The following CNTN4 variants were observed in gnomAD, a reference collection of about 807,000 sequenced individuals.
CNTN4 encodes contactin-4.
In CNTN4, 77 loss-of-function variants were observed where a neutral mutation model predicts 122.5. The observed-to-expected ratio is 0.63, with a 90% CI of 0.52 to 0.76. The LOEUF is 0.76. Among genes scored for constraint, CNTN4 ranks in the 30% least tolerant of loss-of-function variants. The probability of loss-of-function intolerance (pLI) is 0.00; values close to 1 mark genes in which losing one functional copy is unlikely to be tolerated. For synonymous variants in CNTN4, 512 were observed against 447.0 expected (o/e 1.15, Z -1.83); for missense variants, 1,256 against 1,259.1 (o/e 1.00, Z 0.04).
chr3:3,041,370 T>G (rs1035788900), intron 20 of CNTN4, among the ~76,000 whole-genome samples: 1 of 152,226 alleles, frequency 6.6e-6, no homozygotes, highest in Non-Finnish European at 1.5e-5. Context: ...TTCATAGCCT[T>G]CAACTTCTCT....
chr3:2,827,041 T>A (rs773612989), intron 7 of CNTN4, among the ~76,000 whole-genome samples: 9 of 152,176 alleles, frequency 5.9e-5, no homozygotes, highest in Admixed American at 2.6e-4. Flanking sequence ...TTCTAAGTAT[T>A]GCTTAAGTCT....
At chr3:2,566,691 G>A (rs1000547953) in intron 3 of CNTN4, among the ~76,000 whole-genome samples, 1 of 152,182 alleles carries the variant, frequency 6.6e-6, no homozygotes, top group Non-Finnish European at 1.5e-5. Flanking sequence ...GACCTTCACA[G>A]CACACTTGTA....
Position 2,750,071 on chromosome 3 carries a change from C to T in CNTN4, c.358+4374C>T, listed in dbSNP as rs146293845. On this transcript the variant is annotated intron_variant, in intron 6 of 24. Coordinates refer to ENST00000418658, the MANE Select transcript of CNTN4 (RefSeq NM_175607.3). ...TGGTTAAAAAAGACATTAAAGGTCT[C>T]CTGGCCTGTATCTTTTTAAAAATGA... Among the ~76,000 whole-genome samples the T allele has an allele frequency of 3.8e-3, 581 of 152,210 alleles. 4 individuals carry two copies. The highest frequency in any genetic ancestry group is 0.013 in the African/African-American group (558 of 41,542).
At chr3:2,187,634 T>G (rs956425031) in intron 2 of CNTN4, among the ~76,000 whole-genome samples, 1 of 152,198 alleles carries the variant, frequency 6.6e-6, no homozygotes, top group Non-Finnish European at 1.5e-5. Context: ...TTAGTTGTAG[T>G]GTGTGTGAGG....
intron 3 of CNTN4, among the ~76,000 whole-genome samples, chr3:2,556,968 G>T (rs2078746452): frequency 2.0e-5 from 3 of 152,086 alleles, no homozygotes; most frequent in Admixed American, 6.5e-5. Context: ...GGCAAGAAAA[G>T]AAAAACTGTA....
At chr3:2,698,958 G>T (rs1431227399) in intron 4 of CNTN4, among the ~76,000 whole-genome samples, 1 of 152,076 alleles carries the variant, frequency 6.6e-6, no homozygotes, top group African/African-American at 2.4e-5. Flanking sequence ...GGGAGGTGGA[G>T]GTTGCAGTGA....
At chr3:2,481,823 C>T (rs1238647580) in intron 3 of CNTN4, among the ~76,000 whole-genome samples, 1 of 152,118 alleles carries the variant, frequency 6.6e-6, no homozygotes, top group African/African-American at 2.4e-5. Flanking sequence ...AGAGAGAATG[C>T]TAGCACTCAT....
At chr3:2,850,533 G>A (rs1428001718) in intron 7 of CNTN4, among the ~76,000 whole-genome samples, 4 of 152,094 alleles carry the variant, frequency 2.6e-5, no homozygotes, top group Admixed American at 1.3e-4. Flanking sequence ...TACATGGAGG[G>A]ACTTCAGCTT....
At chr3:2,879,556 C>T (rs7629802) in intron 8 of CNTN4, among the ~76,000 whole-genome samples, 38,461 of 151,942 alleles carry the variant, frequency 0.25, 4,968 homozygotes, top group Middle Eastern at 0.35. Flanking sequence ...CGATCAATCT[C>T]GAAAACGCTA....
chr3:2,476,431 G>A (rs2075835941), intron 3 of CNTN4, among the ~76,000 whole-genome samples: 1 of 152,184 alleles, frequency 6.6e-6, no homozygotes, highest in Admixed American at 6.5e-5. Flanking sequence ...ACATAAAAAT[G>A]GGGTCATGTA....
chr3:2,257,529 A>ATC (rs1158558032), intron 2 of CNTN4, among the ~76,000 whole-genome samples: 1 of 152,176 alleles, frequency 6.6e-6, no homozygotes, highest in Admixed American at 6.5e-5. Context: ...AATTTTTGCA[A>ATC]TCTATCCATC....
chr3:2,123,729 T>C (rs552613902), intron 2 of CNTN4, among the ~76,000 whole-genome samples: 1 of 150,762 alleles, frequency 6.6e-6, no homozygotes, highest in East Asian at 2.1e-4. Context: ...CTTTGTGTTT[T>C]GGGACTAAGA....
At chr3:2,380,814 C>T (rs1354626043) in intron 3 of CNTN4, among the ~76,000 whole-genome samples, 1 of 151,782 alleles carries the variant, frequency 6.6e-6, no homozygotes, top group Non-Finnish European at 1.5e-5. Context: ...AAAGAGCAAA[C>T]TAGGTGTCTT....
In CNTN4 at chr3:2,574,948, A is replaced by T. The variant is rs535263930; in HGVS notation, c.55+3390A>T. On this transcript the variant is annotated intron_variant, in intron 4 of 24. Transcript: ENST00000418658. ...AAAAATAAAGGGCCTGTATAAAGCA[A>T]ACCAAAATGGTCTGCAGGCTAGATG... Among the ~76,000 whole-genome samples the T allele has an allele frequency of 1.9e-4, 29 of 152,222 alleles. 1 individual carries two copies. In the South Asian group the frequency reaches 6.0e-3, roughly 32 times the overall value.
intron 2 of CNTN4, among the ~76,000 whole-genome samples, chr3:2,304,890 T>G (rs753624793): frequency 1.8e-4 from 28 of 151,744 alleles, no homozygotes; most frequent in Non-Finnish European, 2.7e-4. Flanking sequence ...AAATGTGTTA[T>G]TTTTTCAAAG....
chr3:2,961,167 T>C (rs983202309), intron 13 of CNTN4, among the ~76,000 whole-genome samples: 3 of 137,156 alleles, frequency 2.2e-5, no homozygotes, highest in Non-Finnish European at 4.7e-5. Flanking sequence ...GAGGCGGAGC[T>C]TGCAGTGAGC....
intron 3 of CNTN4, among the ~76,000 whole-genome samples, chr3:2,485,367 C>G (rs887097610): frequency 6.6e-6 from 1 of 152,258 alleles, no homozygotes; most frequent in Non-Finnish European, 1.5e-5. Flanking sequence ...GTGAAGCCAG[C>G]TGGGCTCCTG....
Position 2,651,558 on chromosome 3 carries a change from A to G in CNTN4, c.55+80000A>G, listed in dbSNP as rs1403161966. Among the ~76,000 whole-genome samples, 2 of 152,084 alleles carry G rather than the reference A, an allele frequency of 1.3e-5. 1 individual carries two copies. Among genetic ancestry groups the G allele is most frequent in the East Asian group, 3.9e-4 (2 of 5,168 alleles). ...TTCCTTTGATTGAGTAGCATTATCA[A>G]AATTACCAAGGGCCAGGCACGGTGG... On this transcript the variant is annotated intron_variant, in intron 4 of 24. Transcript: ENST00000418658.
Position 2,800,496 on chromosome 3 carries a change from G to T in CNTN4, c.359-18990G>T, listed in dbSNP as rs114582572. Among the ~76,000 whole-genome samples the T allele has an allele frequency of 5.5e-3, 834 of 152,294 alleles. 8 individuals carry two copies. Among genetic ancestry groups the T allele is most frequent in the African/African-American group, 0.019 (792 of 41,560 alleles). Reference sequence around the variant, plus strand: ...AATTGTCCACATCTTCCTACAAGATGAGGAGTTCTTCAGGGGCAGGAGCTT... The same window carrying T: ...AATTGTCCACATCTTCCTACAAGATTAGGAGTTCTTCAGGGGCAGGAGCTT... On this transcript the variant is annotated intron_variant, in intron 6 of 24. Transcript: ENST00000418658.
Sources: allele counts gnomAD v4.1 joint callset (sites outside exome capture counted in the v4.1 genomes callset), GRCh38; gene constraint gnomAD v4.1.1; transcripts MANE v1.5; gene names NCBI Gene and HGNC (gene_info 2026-07-23, HGNC 2026-07-21).